Variants in VWDE observed in about 807,000 individuals in gnomAD.
VWDE encodes von Willebrand factor D and EGF domain-containing protein.
In VWDE, 207 loss-of-function variants were observed where a neutral mutation model predicts 178.4. The observed-to-expected ratio is 1.16, with a 90% CI of 1.04 to 1.30. The LOEUF (loss-of-function observed/expected upper bound fraction) is 1.30, where lower values mean the gene tolerates loss of function less well. Ranked by LOEUF, VWDE falls within the 50% of genes most tolerant of loss-of-function variation. VWDE has a pLI of 0.00. For missense variants in VWDE, 2,287 were observed against 1,901.3 expected (o/e 1.20, Z -3.77); for synonymous variants, 738 against 651.4 (o/e 1.13, Z -2.02).
intron 1 of VWDE, among the ~76,000 whole-genome samples, chr7:12,394,788 T>C (rs1490896652): frequency 2.6e-5 from 4 of 152,068 alleles, no homozygotes; most frequent in African/African-American, 9.7e-5. Flanking sequence ...AAAGAAACAA[T>C]TCAGTCACTA....
At chr7:12,356,440 C>T in intron 17 of VWDE, 110 bp from the exon 18 acceptor site, 1 of 769,718 alleles carries the variant, frequency 1.3e-6, no homozygotes, top group Admixed American at 2.8e-5. Context: ...ATGACCAAAT[C>T]ACTTATATTT....
rs193191232 is a variant in VWDE at position 12,373,203 on chromosome 7, C to T, written c.1361G>A (p.Ser454Asn). 439 of 1,551,400 alleles carry T rather than the reference C, an allele frequency of 2.8e-4. No homozygotes were observed. The African/African-American group carries it at 4.9e-3, about 17-fold the overall frequency. Residue 454 changes from serine to asparagine, a missense_variant, in exon 10 of 29, where the codon AGT becomes AAT. Transcript: ENST00000275358. ...ATGGACTTCAAAATCACGTGACATA[C>T]TCTTATAAAGCACAAATGTTCCAGT... ...FKTGTFVLYK[S>N]MSRDFEVHVR...
intron 17 of VWDE, 71 bp from the exon 18 acceptor site, chr7:12,356,401 A>G (rs1782256456): frequency 8.0e-7 from 1 of 1,254,950 alleles, no homozygotes. Flanking sequence ...CCCAGAAATC[A>G]TGACAGTCAT....
Position 12,367,435 on chromosome 7 carries a change from A to G in VWDE, c.2820T>C (p.Tyr940=). ...CAAAAACTCTCACCATCATACAATT[A>G]TATTTTTGAACATCACAGAATCCAG... ...GNAGFCDVQK[Y]NCMMVRVFGK... The change falls in exon 13 of 29, where the codon TAT becomes TAC. Residue 940 remains tyrosine (Y), a synonymous_variant. Transcript: ENST00000275358. 6.5e-7 allele frequency: 1 copy of G among 1,546,724 alleles called. No individual in the cohort carries two copies. The highest frequency in any genetic ancestry group is 8.7e-7 in the Non-Finnish European group (1 of 1,144,436).
At position 12,370,702 on chromosome 7, in the gene VWDE, T is replaced by C. The variant is rs1783140647; in HGVS notation, c.1750A>G (p.Ile584Val). ...NDFHDKNGMQ[I>V]DQNFNNYVAF... ...ACATAATTGTTAAAATTTTGATCAA[T>C]TTGCATCCCATTTTTGTCATGGAAA... Residue 584 changes from isoleucine to valine, a missense_variant, in exon 11 of 29, where the codon ATT becomes GTT. By Grantham distance (29) the Ile-to-Val change is conservative. Coordinates refer to ENST00000275358, the MANE Select transcript of VWDE (RefSeq NM_001135924.3). 6.4e-7 allele frequency: 1 copy of C among 1,551,030 alleles called. No homozygotes were observed. Among genetic ancestry groups the C allele is most frequent in the Non-Finnish European group, 8.7e-7 (1 of 1,146,680 alleles).
chr7:12,371,878 T>C (rs1783223088), intron 10 of VWDE, among the ~76,000 whole-genome samples: 2 of 152,124 alleles, frequency 1.3e-5, no homozygotes, highest in Non-Finnish European at 1.5e-5. Context: ...TTTTTCATCT[T>C]ACAAGGAAAG....
intron 1 of VWDE, among the ~76,000 whole-genome samples, chr7:12,399,289 C>T (rs1333189798): frequency 6.6e-6 from 1 of 152,040 alleles, no homozygotes; most frequent in Non-Finnish European, 1.5e-5. Flanking sequence ...GTACTACTAT[C>T]AAACAAAGAA....
rs1782058334 is a variant in VWDE at position 12,353,497 on chromosome 7, CTT to C, written c.3746-1786_3746-1785del. ...ATTCACTAAAATCAAACACTTAAAA[CTT>C]AATGAATCTCTTTCTCTCATCATGC... is the stretch of plus-strand genomic sequence containing the variant. On this transcript the variant is annotated intron_variant, in intron 18 of 28. Coordinates refer to ENST00000275358, the MANE Select transcript of VWDE (RefSeq NM_001135924.3). 2.0e-5 allele frequency among the ~76,000 whole-genome samples: 3 copies of C among 152,196 alleles called. No individual in the cohort carries two copies. The South Asian group carries it at 6.2e-4, about 32-fold the overall frequency.
chr7:12,386,689 T>C (rs1784114814), intron 3 of VWDE, among the ~76,000 whole-genome samples: 1 of 152,216 alleles, frequency 6.6e-6, no homozygotes, highest in Non-Finnish European at 1.5e-5. Context: ...TCAGCATCAG[T>C]GCCCTTTTGT....
intron 27 of VWDE, among the ~76,000 whole-genome samples, chr7:12,334,844 G>A (rs2128543997): frequency 6.6e-6 from 1 of 152,164 alleles, no homozygotes; most frequent in East Asian, 1.9e-4. Flanking sequence ...TCCAGAACAA[G>A]CACCCAAGTT....
intron 9 of VWDE, 53 bp downstream of exon 9, chr7:12,374,636 A>G: frequency 3.1e-6 from 4 of 1,289,120 alleles, no homozygotes; most frequent in Non-Finnish European, 4.3e-6. Context: ...AAAATAAAAC[A>G]ACAAAATCAA....
rs1468090032 is a variant in VWDE, at chr7:12,377,798, T to C, written c.1002A>G (p.Leu334=). The C allele has an allele frequency of 4.6e-6, 7 of 1,506,626 alleles. No individual in the cohort carries two copies. The highest frequency in any genetic ancestry group is 6.2e-6 in the Non-Finnish European group (7 of 1,120,542). 93.3% of individuals were successfully genotyped at this position (1,506,626 alleles called of 1,614,324 possible). ...TACCTTGACCAATAGTTTTCAGTTT[T>C]AATGAGATTTTGCATTCTTGATCAA... The part of the protein sequence containing the change: ...SELDQECKIS[L]KLKTIGQGRE... The change falls in exon 7 of 29, where the codon TTA becomes TTG. Residue 334 remains leucine, a synonymous_variant. Transcript: ENST00000275358.
At chr7:12,333,968 G>A (rs755662197) in intron 27 of VWDE, among the ~76,000 whole-genome samples, 3 of 152,050 alleles carry the variant, frequency 2.0e-5, no homozygotes, top group Non-Finnish European at 4.4e-5. Flanking sequence ...ACTGGCTAGT[G>A]TATGGAAAAT....
rs118033296 is a variant in VWDE, at chr7:12,385,329, C to G, written c.476-1728G>C. On this transcript the variant is annotated intron_variant, in intron 3 of 28. Transcript: ENST00000275358. ...TATTGGTTGTAGACAGCAATACGTC[C>G]AAGTAAAAAATGACATTTCACAGAC... 5.3e-5 allele frequency among the ~76,000 whole-genome samples: 8 copies of G among 152,144 alleles called. No homozygotes were observed. The East Asian group carries it at 9.7e-4, about 18-fold the overall frequency.
In VWDE at chr7:12,367,513, C is replaced by A; in HGVS notation, c.2762-20G>T. 6.8e-7 allele frequency: 1 copy of A among 1,465,998 alleles called. No individual in the cohort carries two copies. The highest frequency in any genetic ancestry group is 1.4e-5 in the South Asian group (1 of 69,870). The allele number at this position is 1,465,998 out of a possible 1,614,324, so 90.8% of individuals were successfully genotyped here. A position where few individuals can be genotyped will look rare whatever the true frequency, so the allele number is the denominator to read the frequency against. Reference sequence around the variant, plus strand: ...CTTTGTCTTTGGAAAAAAAATATAACAAATACTACATATTTTACTTAATTT... The same window carrying A: ...CTTTGTCTTTGGAAAAAAAATATAAAAAATACTACATATTTTACTTAATTT... On this transcript the variant is annotated intron_variant, in intron 12 of 28. Transcript: ENST00000275358.
chr7:12,333,296 T>C (rs1219322086), intron 28 of VWDE, among the ~76,000 whole-genome samples, 169 bp downstream of exon 28: 1 of 152,106 alleles, frequency 6.6e-6, no homozygotes, highest in East Asian at 1.9e-4. Context: ...TTTTATATAA[T>C]AACTCTACCA....
chr7:12,391,047 T>C (rs1250351617), intron 2 of VWDE, among the ~76,000 whole-genome samples: 1 of 152,132 alleles, frequency 6.6e-6, no homozygotes, highest in East Asian at 1.9e-4. Flanking sequence ...TCAAAAATTA[T>C]GAAAATGAAT....
At chr7:12,343,964 A>G (rs1484127638) in intron 21 of VWDE, among the ~76,000 whole-genome samples, 2 of 152,138 alleles carry the variant, frequency 1.3e-5, no homozygotes, top group Non-Finnish European at 2.9e-5. Context: ...AATTTTACCA[A>G]TAACAAATAA....
At chr7:12,388,805 C>A in intron 3 of VWDE, 1 of 430,594 alleles carries the variant, frequency 2.3e-6, no homozygotes, top group Non-Finnish European at 4.5e-6. Flanking sequence ...AACTTTTACT[C>A]ACCCTTCTTC....
Sources: gnomAD v4.1 joint callset for allele counts (sites outside exome capture counted in the v4.1 genomes callset) on GRCh38, gnomAD v4.1.1 for gene constraint, MANE v1.5 for transcripts, NCBI Gene and HGNC (gene_info 2026-07-23, HGNC 2026-07-21) for gene names.